Variants in PODN observed in about 807,000 individuals in gnomAD.
The protein encoded by PODN is podocan, also known as podocan proteoglycan.
Under a neutral mutation model 52.7 loss-of-function variants are expected in PODN, and 40 were observed. The observed-to-expected ratio is 0.76, with a 90% CI of 0.59 to 0.99. The LOEUF is 0.99. Ranked by LOEUF, PODN falls within the 50% of genes least tolerant of loss-of-function variation. The pLI is 0.00. For missense variants in PODN, 720 were observed against 815.1 expected (o/e 0.88, Z 1.42); for synonymous variants, 396 against 377.9 (o/e 1.05, Z -0.56).
intron 1 of PODN, among the ~76,000 whole-genome samples, chr1:53,065,734 C>T (rs1008881947): frequency 1.3e-5 from 2 of 152,160 alleles, no homozygotes; most frequent in South Asian, 2.1e-4. Flanking sequence ...GGGCTTGTGG[C>T]GACTGTGCCT....
rs763567428 is a variant in PODN, at chr1:53,078,919, C to T, written c.1409C>T (p.Ala470Val). 21 of 1,599,838 alleles carry T rather than the reference C, an allele frequency of 1.3e-5. No individual in the cohort carries two copies. Among genetic ancestry groups the T allele is most frequent in the Middle Eastern group, 1.7e-4 (1 of 5,806 alleles). ...RNELAALARGALVGMAQLREL... is the reference protein window; with the variant it reads ...RNELAALARGVLVGMAQLREL... ...GAGCTGGCTGCCTTGGCACGAGGGG[C>T]GCTGGTGGGCATGGCTCAGCTGCGT... Residue 470 changes from alanine to valine, a missense_variant, in exon 8 of 11, where the codon GCG becomes GTG. Ala to Val is a moderately conservative substitution (Grantham distance 64). Coordinates refer to ENST00000312553, the MANE Select transcript of PODN (RefSeq NM_153703.5).
At position 53,077,775 on chromosome 1, in the gene PODN, G is replaced by T. The variant is rs775826618; in HGVS notation, c.829G>T (p.Glu277Ter). The T allele has an allele frequency of 1.2e-6, 2 of 1,613,500 alleles. No homozygotes were observed. The highest frequency in any genetic ancestry group is 1.7e-6 in the Non-Finnish European group (2 of 1,179,936). Residue 277 changes from glutamate to a stop codon, truncating the protein, a stop_gained, in exon 7 of 11, where the codon GAG (glutamate) becomes TAG (stop). Transcript: ENST00000312553. LOFTEE classifies it high-confidence loss of function. ...LYLQNNYLTD[E>*]GLDNETFWKL... ...CCTGCAGAACAACTACCTGACTGAC[G>T]AGGGCCTGGACAACGAGACCTTCTG...
chr1:53,080,987 A>G (rs749517180), intron 9 of PODN, 111 bp downstream of exon 9: 12 of 1,403,120 alleles, frequency 8.6e-6, no homozygotes, highest in South Asian at 1.3e-5. Context: ...CTGTGTAACC[A>G]CGGCTCAGAT....
Position 53,070,183 on chromosome 1 carries a change from C to T in PODN, c.312+16C>T. Reference sequence around the variant, plus strand: ...ATCTCTGCAGGTGAGGTCGGCGTTGCACCTGTGGTCACGGGGGCTGTCCCA... The same window carrying T: ...ATCTCTGCAGGTGAGGTCGGCGTTGTACCTGTGGTCACGGGGGCTGTCCCA... On this transcript the variant is annotated intron_variant, in intron 2 of 10. Transcript: ENST00000312553. The T allele has an allele frequency of 6.2e-7, 1 of 1,601,010 alleles. No individual in the cohort carries two copies.
Position 53,078,924 on chromosome 1 carries a change from G to C in PODN, c.1414G>C (p.Val472Leu). The change falls in exon 8 of 11, where the codon GTG becomes CTG. Residue 472 changes from valine to leucine, a missense_variant. Coordinates refer to ENST00000312553, the MANE Select transcript of PODN (RefSeq NM_153703.5). ...GGCTGCCTTGGCACGAGGGGCGCTG[G>C]TGGGCATGGCTCAGCTGCGTGAGCT... is the stretch of plus-strand genomic sequence containing the variant. ...ELAALARGAL[V>L]GMAQLRELYL... 6.3e-7 allele frequency: 1 copy of C among 1,597,998 alleles called. No homozygotes were observed. Among genetic ancestry groups the C allele is most frequent in the Non-Finnish European group, 8.5e-7 (1 of 1,172,644 alleles).
intron 3 of PODN, among the ~76,000 whole-genome samples, chr1:53,072,772 C>T (rs75864591): frequency 0.034 from 5,176 of 152,268 alleles, 290 homozygotes; most frequent in African/African-American, 0.12. Flanking sequence ...TTCAAGATGT[C>T]TAACTAGGCC....
At chr1:53,084,052 G>C (rs1000708935) in intron 10 of PODN, among the ~76,000 whole-genome samples, 4 of 152,134 alleles carry the variant, frequency 2.6e-5, no homozygotes, top group Non-Finnish European at 5.9e-5. Flanking sequence ...AGTGTGCACA[G>C]AGTTGGGTAT....
rs751383393 is a variant in PODN at position 53,071,626 on chromosome 1, G to A, written c.404G>A (p.Arg135Gln). ...LNLQNNRLTS[R>Q]GLPEKAFEHL... ...CTGCAAAACAACCGCCTGACTTCCC[G>A]AGGTGAGGGGCCACCCAGAGCCCAG... Residue 135 changes from arginine (R) to glutamine (Q), a missense_variant and splice_region_variant, in exon 3 of 11, where the codon CGA becomes CAA. Transcript: ENST00000312553. The A allele has an allele frequency of 4.3e-6, 7 of 1,612,698 alleles. No homozygotes were observed. The African/African-American group carries it at 5.3e-5, about 12-fold the overall frequency.
chr1:53,068,824 T>C (rs192179444), intron 1 of PODN, among the ~76,000 whole-genome samples: 3 of 152,128 alleles, frequency 2.0e-5, no homozygotes, highest in Non-Finnish European at 2.9e-5. Flanking sequence ...ATGGCATCTT[T>C]CAGCATCTTC....
chr1:53,078,356 C>T lies in PODN; in HGVS notation c.855-9C>T, dbSNP rs1644226845. 6.2e-7 allele frequency: 1 copy of T among 1,604,890 alleles called. No individual in the cohort carries two copies. Among genetic ancestry groups the T allele is most frequent in the African/African-American group, 1.3e-5 (1 of 74,908 alleles). On this transcript the variant is annotated splice_polypyrimidine_tract_variant and intron_variant, in intron 7 of 10. Transcript: ENST00000312553. ...CTTGCCAACCGTCCTAATTCCCTCC[C>T]TGCCCCAGGAAGCTCTCCAGCCTGG...
chr1:53,080,975 G>T, intron 9 of PODN, 99 bp downstream of exon 9: 2 of 1,470,896 alleles, frequency 1.4e-6, no homozygotes, highest in Non-Finnish European at 9.3e-7. Flanking sequence ...CTCCACTGCT[G>T]CCTGTGTAAC....
intron 1 of PODN, among the ~76,000 whole-genome samples, chr1:53,067,915 T>TA (rs71844234): frequency 0.21 from 20,312 of 96,204 alleles, 3,119 homozygotes; most frequent in East Asian, 0.51. Flanking sequence ...GGCCTTGTCT[T>TA]AAAAAAAAAA....
chr1:53,071,860 T>A (rs1644123951), intron 3 of PODN, among the ~76,000 whole-genome samples: 1 of 151,906 alleles, frequency 6.6e-6, no homozygotes, highest in Non-Finnish European at 1.5e-5. Flanking sequence ...TCTTTTTTTT[T>A]TTGACATAGT....
intron 7 of PODN, 51 bp from the exon 8 acceptor site, chr1:53,078,314 C>T (rs531008387): frequency 2.6e-5 from 40 of 1,519,434 alleles, no homozygotes; most frequent in South Asian, 1.7e-4. Flanking sequence ...ATGGTGGAAA[C>T]GAGCACAATG....
intron 1 of PODN, among the ~76,000 whole-genome samples, chr1:53,063,820 C>T (rs1292574529): frequency 6.6e-6 from 1 of 152,164 alleles, no homozygotes; most frequent in Non-Finnish European, 1.5e-5. Flanking sequence ...CATGCGAGTG[C>T]TGGCCGTGTC....
intron 1 of PODN, chr1:53,063,680 TGCA>T: frequency 1.5e-6 from 1 of 659,430 alleles, no homozygotes; most frequent in Non-Finnish European, 1.9e-6. Context: ...TAGCCTAGAG[TGCA>T]AGTTAAGAAA....
At chr1:53,070,637 C>T (rs1260118796) in intron 2 of PODN, among the ~76,000 whole-genome samples, 1 of 152,244 alleles carries the variant, frequency 6.6e-6, no homozygotes, top group Non-Finnish European at 1.5e-5. Context: ...ACACAGTGTC[C>T]AGACTAGGAG....
Position 53,066,796 on chromosome 1 carries a change from A to T in PODN, c.-55-3005A>T. On this transcript the variant is annotated intron_variant, in intron 1 of 10. Transcript: ENST00000312553. ...TGCAGAATGTTAATATAAATTCAAT[A>T]TTTTTATTGATGCAGTTTACAGATT... The T allele has an allele frequency of 3.2e-6, 5 of 1,540,902 alleles. No homozygotes were observed. The South Asian group carries it at 6.0e-5, about 18-fold the overall frequency.
At chr1:53,063,042 A>C (rs1643982044) in intron 1 of PODN, among the ~76,000 whole-genome samples, 1 of 152,118 alleles carries the variant, frequency 6.6e-6, no homozygotes, top group Non-Finnish European at 1.5e-5. Flanking sequence ...CTTCCTGCGA[A>C]TGAGGCAGAA....
Sources: gnomAD v4.1 joint callset for allele counts (sites outside exome capture counted in the v4.1 genomes callset) on GRCh38, gnomAD v4.1.1 for gene constraint, MANE v1.5 for transcripts, NCBI Gene and HGNC (gene_info 2026-07-23, HGNC 2026-07-21) for gene names.